Variants in TLE3 observed in about 807,000 individuals in gnomAD.
TLE3 encodes transducin-like enhancer protein 3.
Under a neutral mutation model 93.0 loss-of-function variants are expected in TLE3, and 14 were observed. The observed-to-expected ratio is 0.15, with a 90% CI of 0.10 to 0.24. The LOEUF (loss-of-function observed/expected upper bound fraction) is 0.24, where lower values mean the gene tolerates loss of function less well. Ranked by LOEUF, TLE3 falls within the 10% of genes least tolerant of loss-of-function variation. TLE3 has a pLI of 1.00. For synonymous variants in TLE3, 451 were observed against 425.0 expected (o/e 1.06, Z -0.75); for missense variants, 693 against 1,046.6 (o/e 0.66, Z 4.66).
At chr15:70,076,437 T>A (rs1423744783) in intron 4 of TLE3, among the ~76,000 whole-genome samples, 1 of 152,126 alleles carries the variant, frequency 6.6e-6, no homozygotes. Context: ...ATAGTTTGCA[T>A]CCTCTGGATG....
At chr15:70,085,775 G>A (rs2058012276) in intron 4 of TLE3, among the ~76,000 whole-genome samples, 1 of 152,210 alleles carries the variant, frequency 6.6e-6, no homozygotes, top group South Asian at 2.1e-4. Flanking sequence ...TTCAAGTCTG[G>A]CTTCATGGAG....
intron 4 of TLE3, among the ~76,000 whole-genome samples, chr15:70,080,382 T>C (rs901509674): frequency 2.6e-5 from 4 of 152,188 alleles, no homozygotes; most frequent in Non-Finnish European, 4.4e-5. Context: ...TTTTCAAGTA[T>C]GGTTCAAAGC....
intron 5 of TLE3, 93 bp downstream of exon 5, chr15:70,075,997 AGGCTGG>A (rs767033270): frequency 4.4e-6 from 5 of 1,128,708 alleles, no homozygotes; most frequent in Admixed American, 1.8e-5. Context: ...ACAGGGGCTG[AGGCTGG>A]GGCTGGGGCT....
In TLE3 at chr15:70,097,501, A is replaced by T. The variant is rs1596056038; in HGVS notation, c.-703T>A. 3 of 407,528 alleles carry T rather than the reference A, an allele frequency of 7.4e-6. No individual in the cohort carries two copies. The highest frequency in any genetic ancestry group is 1.3e-5 in the Non-Finnish European group (3 of 231,920). 25.2% of individuals were successfully genotyped at this position (407,528 alleles called of 1,614,324 possible). ...CAAGCCCTTCCCAGGGCCGGGGAGG[A>T]ACTCCGGGCTCAGTAGGTGCAAATC... On this transcript the variant is annotated 5_prime_UTR_variant, in exon 1 of 20. Transcript: ENST00000451782.
At position 70,096,905 on chromosome 15, in the gene TLE3, CGA is replaced by C; in HGVS notation, c.-109_-108del. The C allele has an allele frequency of 7.9e-7, 1 of 1,268,456 alleles. No homozygotes were observed. The allele number at this position is 1,268,456 out of a possible 1,614,324, so 78.6% of individuals were successfully genotyped here. On this transcript the variant is annotated 5_prime_UTR_variant, in exon 1 of 20. Coordinates refer to ENST00000451782, the MANE Select transcript of TLE3 (RefSeq NM_001105192.3). Reference sequence around the variant, plus strand: ...CCCGAGCGGGGGGCGGCCGGGAAACCGAGAGCTCGCCCCCGGCCCCCCCAGCT... The same window carrying C: ...CCCGAGCGGGGGGCGGCCGGGAAACCGAGCTCGCCCCCGGCCCCCCCAGCT...
chr15:70,073,866 G>A (rs955788541), intron 6 of TLE3, among the ~76,000 whole-genome samples: 1 of 152,242 alleles, frequency 6.6e-6, no homozygotes, highest in Non-Finnish European at 1.5e-5. Flanking sequence ...GGTAGACCCA[G>A]CTTCCCTTTT....
chr15:70,096,560 T>G, intron 1 of TLE3: 3 of 1,458,256 alleles, frequency 2.1e-6, no homozygotes, highest in Non-Finnish European at 2.8e-6. Flanking sequence ...CGTGAACAGC[T>G]CCCCCTGGAA....
In TLE3 at chr15:70,095,852, G is replaced by T. The variant is rs1323016909; in HGVS notation, c.126-211C>A. On this transcript the variant is annotated intron_variant, in intron 2 of 19. Coordinates refer to ENST00000451782, the MANE Select transcript of TLE3 (RefSeq NM_001105192.3). ...AATTCGAAACTTCCCGCGAGCCAAA[G>T]GACTTATCACGGCAGCAGGGGAGTA... is the stretch of plus-strand genomic sequence containing the variant. 4.6e-6 allele frequency: 3 copies of T among 657,978 alleles called. No individual in the cohort carries two copies. In the African/African-American group the frequency reaches 5.5e-5, roughly 12 times the overall value. The allele number at this position is 657,978 out of a possible 1,614,324, so 40.8% of individuals were successfully genotyped here. A position where few individuals can be genotyped will look rare whatever the true frequency, so the allele number is the denominator to read the frequency against.
intron 8 of TLE3, 75 bp from the exon 9 acceptor site, chr15:70,060,724 G>C: frequency 6.3e-7 from 1 of 1,588,678 alleles, no homozygotes; most frequent in Non-Finnish European, 8.5e-7. Flanking sequence ...ACACAGCTAA[G>C]TGCAGGTGAC....
At chr15:70,073,288 G>C (rs1440673074) in intron 6 of TLE3, among the ~76,000 whole-genome samples, 1 of 152,144 alleles carries the variant, frequency 6.6e-6, no homozygotes, top group Non-Finnish European at 1.5e-5. Flanking sequence ...GAAGAGAAGG[G>C]ACTTGCCAAA....
chr15:70,048,454 C>T lies in TLE3; in HGVS notation c.*1643G>A, dbSNP rs565028529. The stretch of plus-strand genomic sequence containing the variant: ...CCGGTGCGCTCAGCTGGGGAGCAAC[C>T]TCACTGAAGGTGGGTGGCTTTCCCT... On this transcript the variant is annotated 3_prime_UTR_variant, in exon 20 of 20. Transcript: ENST00000451782. 1 of 152,252 alleles carries T rather than the reference C, an allele frequency of 6.6e-6. No individual in the cohort carries two copies. Among genetic ancestry groups the T allele is most frequent in the African/African-American group, 2.4e-5 (1 of 41,546 alleles). 9.4% of individuals were successfully genotyped at this position (152,252 alleles called of 1,614,324 possible).
rs963953991 is a variant in TLE3 at position 70,097,432 on chromosome 15, T to A, written c.-634A>T. 4.8e-6 allele frequency: 2 copies of A among 416,748 alleles called. No individual in the cohort carries two copies. Among genetic ancestry groups the A allele is most frequent in the Non-Finnish European group, 4.2e-6 (1 of 238,004 alleles). 25.8% of individuals were successfully genotyped at this position (416,748 alleles called of 1,614,324 possible). A position where few individuals can be genotyped will look rare whatever the true frequency, so the allele number is the denominator to read the frequency against. ...CCCCCCCTCGGAGAGGAGAGCCTGC[T>A]GTTCCGTCTGCTACTGCCGCTGCCG... On this transcript the variant is annotated 5_prime_UTR_variant, in exon 1 of 20. Transcript: ENST00000451782.
Position 70,052,369 on chromosome 15 carries a change from C to A in TLE3, c.2125+5G>T. The A allele has an allele frequency of 6.2e-7, 1 of 1,612,830 alleles. No homozygotes were observed. ...CCATCAGGCCTGGGCCCATCCAAGG[C>A]TCACCGCAGTAGGCGAACTTGAGGG... is the stretch of plus-strand genomic sequence containing the variant. On this transcript the variant is annotated splice_donor_5th_base_variant and intron_variant, in intron 18 of 19. Transcript: ENST00000451782.
intron 7 of TLE3, 45 bp downstream of exon 7, chr15:70,065,969 G>GCCCCCCCCCCGCCCCCCC: frequency 7.7e-7 from 1 of 1,294,406 alleles, no homozygotes; most frequent in Non-Finnish European, 1.1e-6. Context: ...GAGCGCCCAT[G>GCCCCCCCCCCGCCCCCCC]CCCACCCCTG....
At chr15:70,086,030 C>T (rs1375658985) in intron 4 of TLE3, among the ~76,000 whole-genome samples, 1 of 152,182 alleles carries the variant, frequency 6.6e-6, no homozygotes. Flanking sequence ...CCAATCAGTG[C>T]CAACAGGCTC....
Position 70,065,997 on chromosome 15 carries a change from C to T in TLE3, c.577+17G>A. ...CACCCCTGCCCCGCCCCACCCTCTG[C>T]CCCAGCCCAGCCGCACCTCTGTGAT... On this transcript the variant is annotated intron_variant, in intron 7 of 19. Coordinates refer to ENST00000451782, the MANE Select transcript of TLE3 (RefSeq NM_001105192.3). 1.6e-6 allele frequency: 2 copies of T among 1,238,632 alleles called. No homozygotes were observed. The highest frequency in any genetic ancestry group is 2.4e-6 in the Non-Finnish European group (2 of 847,164). 76.7% of individuals were successfully genotyped at this position (1,238,632 alleles called of 1,614,324 possible).
At chr15:70,051,279 T>C in intron 19 of TLE3, 112 bp downstream of exon 19, 1 of 1,124,092 alleles carries the variant, frequency 8.9e-7, no homozygotes, top group Non-Finnish European at 1.3e-6. Flanking sequence ...GCAGGTCTGA[T>C]CCTGGCTCCA....
At chr15:70,063,706 T>C (rs894755673) in intron 8 of TLE3, among the ~76,000 whole-genome samples, 1 of 152,186 alleles carries the variant, frequency 6.6e-6, no homozygotes, top group African/African-American at 2.4e-5. Flanking sequence ...TTATCCAGAC[T>C]CCACTGCGCT....
chr15:70,055,023 C>A (rs4777227), intron 15 of TLE3, 26 bp downstream of exon 15: 1,115,694 of 1,573,698 alleles, frequency 0.71, 397,872 homozygotes, highest in South Asian at 0.9. Context: ...CAGCTGGAGG[C>A]GGCGCAGCAG....
Sources: allele counts gnomAD v4.1 joint callset (sites outside exome capture counted in the v4.1 genomes callset), GRCh38; gene constraint gnomAD v4.1.1; transcripts MANE v1.5; gene names NCBI Gene and HGNC (gene_info 2026-07-23, HGNC 2026-07-21).